Variants in ARHGAP10 observed in about 807,000 individuals in gnomAD.
ARHGAP10 encodes the protein rho GTPase-activating protein 10.
In ARHGAP10, 87 loss-of-function variants were observed where a neutral mutation model predicts 108.6. That is an observed-to-expected ratio of 0.80 (90% CI 0.67 to 0.96). ARHGAP10 has a LOEUF of 0.96. ARHGAP10 is among the 40% of genes least tolerant of loss of function. The probability of loss-of-function intolerance (pLI) is 0.00; values close to 1 mark genes in which losing one functional copy is unlikely to be tolerated. For missense variants in ARHGAP10, 939 were observed against 954.5 expected, an observed-to-expected ratio of 0.98 and a Z score of 0.21; for synonymous variants, 347 against 341.1, an observed-to-expected ratio of 1.02 and a Z score of -0.19.
intron 1 of ARHGAP10, among the ~76,000 whole-genome samples, chr4:147,775,239 C>T (rs1418158611): frequency 6.6e-6 from 1 of 152,158 alleles, no homozygotes; most frequent in East Asian, 1.9e-4. Flanking sequence ...CCTCAGCATT[C>T]TCACTCCTGG....
chr4:147,900,034 C>T (rs1736172676), intron 10 of ARHGAP10, among the ~76,000 whole-genome samples: 2 of 152,174 alleles, frequency 1.3e-5, no homozygotes, highest in Admixed American at 6.5e-5. Flanking sequence ...ATGTTTCTCT[C>T]TGCTTTTTTC....
chr4:147,970,835 C>G (rs34366141), intron 18 of ARHGAP10, among the ~76,000 whole-genome samples: 1 of 152,194 alleles, frequency 6.6e-6, no homozygotes, highest in Non-Finnish European at 1.5e-5. Context: ...TGCCTGTAAT[C>G]TCAGCACTTC....
intron 1 of ARHGAP10, among the ~76,000 whole-genome samples, chr4:147,735,584 G>A (rs948692352): frequency 1.3e-5 from 2 of 152,200 alleles, no homozygotes; most frequent in African/African-American, 4.8e-5. Context: ...AACAAGGTTA[G>A]GAATGTGGAC....
intron 8 of ARHGAP10, among the ~76,000 whole-genome samples, chr4:147,877,859 G>A (rs531955039): frequency 1.5e-3 from 218 of 141,810 alleles, no homozygotes; most frequent in African/African-American, 5.9e-3. Context: ...CATGAGCCAC[G>A]AGGCCCAGCC....
chr4:147,789,173 A>T (rs904164007), intron 1 of ARHGAP10, among the ~76,000 whole-genome samples: 1 of 152,228 alleles, frequency 6.6e-6, no homozygotes, highest in Non-Finnish European at 1.5e-5. Flanking sequence ...TCAGTCGTGG[A>T]GAAGTCAATT....
intron 20 of ARHGAP10, among the ~76,000 whole-genome samples, chr4:148,053,501 C>A (rs1004317561): frequency 3.9e-5 from 6 of 152,316 alleles, no homozygotes; most frequent in African/African-American, 1.2e-4. Context: ...TTCTCCCCCA[C>A]AGCAGAGCTT....
chr4:147,866,502 T>C (rs1734568207), intron 6 of ARHGAP10: 3 of 492,962 alleles, frequency 6.1e-6, no homozygotes, highest in Non-Finnish European at 1.1e-5. Flanking sequence ...ATGGCTGTGA[T>C]ATTTAAGGGA....
At chr4:147,771,776 C>G (rs1296401093) in intron 1 of ARHGAP10, among the ~76,000 whole-genome samples, 1 of 152,028 alleles carries the variant, frequency 6.6e-6, no homozygotes, top group East Asian at 1.9e-4. Context: ...CTCGCCTCCA[C>G]TCTTGCAACT....
At chr4:147,850,780 A>G (rs561002539) in intron 4 of ARHGAP10, among the ~76,000 whole-genome samples, 2 of 152,310 alleles carry the variant, frequency 1.3e-5, no homozygotes, top group African/African-American at 4.8e-5. Flanking sequence ...GCATCACGTC[A>G]AGAGTTTCTC....
At chr4:147,774,053 T>C (rs1295561868) in intron 1 of ARHGAP10, among the ~76,000 whole-genome samples, 1 of 152,186 alleles carries the variant, frequency 6.6e-6, no homozygotes, top group East Asian at 1.9e-4. Context: ...TGCCCCAGTT[T>C]CCTCAGCTGT....
At position 147,913,115 on chromosome 4, in the gene ARHGAP10, T is replaced by C; in HGVS notation, c.1204T>C (p.Cys402Arg). The change falls in exon 13 of 23, where the codon TGC (cysteine) becomes CGC (arginine). Residue 402 changes from cysteine to arginine, a missense_variant. Cys to Arg is a radical substitution (Grantham distance 180, BLOSUM62 -3). Transcript: ENST00000336498. Reference protein sequence around the residue: ...DKMGFTIIRKCISAVETRGIN... With the variant: ...DKMGFTIIRKRISAVETRGIN... ...GATGGGGTTCACAATTATCAGAAAA[T>C]GCATCAGTGCCGTTGAAACACGAGG... The C allele has an allele frequency of 6.2e-7, 1 of 1,613,984 alleles. No homozygotes were observed.
intron 1 of ARHGAP10, among the ~76,000 whole-genome samples, chr4:147,795,673 T>C (rs1347623917): frequency 5.9e-5 from 9 of 151,550 alleles, no homozygotes; most frequent in Admixed American, 5.9e-4. Flanking sequence ...GATTTTTATT[T>C]ATTTTTTATT....
chr4:147,743,235 A>T (rs1412905967), intron 1 of ARHGAP10, among the ~76,000 whole-genome samples: 1 of 151,900 alleles, frequency 6.6e-6, no homozygotes, highest in African/African-American at 2.4e-5. Flanking sequence ...GGGTTTCACC[A>T]TGTTGACCAG....
At chr4:147,798,750 T>A (rs1194890117) in intron 1 of ARHGAP10, among the ~76,000 whole-genome samples, 11 of 10,390 alleles carry the variant, frequency 1.1e-3, no homozygotes, top group African/African-American at 1.5e-3. Flanking sequence ...TCTCTCTCTC[T>A]CTCTCTCTCT....
intron 3 of ARHGAP10, among the ~76,000 whole-genome samples, chr4:147,827,492 A>G (rs553577461): frequency 6.6e-6 from 1 of 152,308 alleles, no homozygotes; most frequent in South Asian, 2.1e-4. Flanking sequence ...GAAAGGGTTT[A>G]TGGAAGAAGT....
intron 1 of ARHGAP10, among the ~76,000 whole-genome samples, chr4:147,745,043 G>C (rs973922633): frequency 6.6e-6 from 1 of 152,102 alleles, no homozygotes; most frequent in Non-Finnish European, 1.5e-5. Context: ...TTGACAGAGA[G>C]ATGGAAAACC....
chr4:148,012,044 T>C (rs1741188888), intron 18 of ARHGAP10, among the ~76,000 whole-genome samples: 2 of 152,210 alleles, frequency 1.3e-5, no homozygotes, highest in African/African-American at 4.8e-5. Flanking sequence ...CTGATGATAG[T>C]GCCAAACAAT....
In ARHGAP10 at chr4:147,803,256, G is replaced by A. The variant is rs547755136; in HGVS notation, c.155-19471G>A. On this transcript the variant is annotated intron_variant, in intron 1 of 22. Transcript: ENST00000336498. The stretch of plus-strand genomic sequence containing the variant: ...ACTCCTGGCCTCAAGTGATTCACCC[G>A]CCTTGGCCTCCCAAAGTGCTGGGAT... Among the ~76,000 whole-genome samples the A allele has an allele frequency of 5.3e-5, 8 of 152,236 alleles. No individual in the cohort carries two copies. The South Asian group carries it at 8.3e-4, about 16-fold the overall frequency.
At chr4:147,773,534 A>G (rs961421463) in intron 1 of ARHGAP10, among the ~76,000 whole-genome samples, 7 of 152,220 alleles carry the variant, frequency 4.6e-5, no homozygotes, top group African/African-American at 1.7e-4. Flanking sequence ...CTCGATGTAC[A>G]CTTAAATATT....
Sources: allele counts gnomAD v4.1 joint callset (sites outside exome capture counted in the v4.1 genomes callset), GRCh38; gene constraint gnomAD v4.1.1; transcripts MANE v1.5; gene names NCBI Gene and HGNC (gene_info 2026-07-23, HGNC 2026-07-21).